ZNF335: variants seen among roughly 807,000 people sequenced by gnomAD.
ZNF335 encodes the protein zinc finger protein 335.
Under a neutral mutation model 145.6 loss-of-function variants are expected in ZNF335, and 84 were observed. That is an observed-to-expected ratio of 0.58 (90% confidence interval 0.48 to 0.69). The LOEUF (loss-of-function observed/expected upper bound fraction) is 0.69. ZNF335 is among the 30% of genes least tolerant of loss of function. The probability of loss-of-function intolerance (pLI) is 0.00; values close to 1 mark genes in which losing one functional copy is unlikely to be tolerated. For missense variants in ZNF335, 1,865 were observed against 1,809.7 expected (o/e 1.03, Z -0.55); for synonymous variants, 761 against 717.0 (o/e 1.06, Z -0.98).
rs371249915 is a variant in ZNF335, at chr20:45,967,578, A to C, written c.871T>G (p.Ser291Ala). 2.0e-5 allele frequency: 33 copies of C among 1,613,752 alleles called. No individual in the cohort carries two copies. The African/African-American group carries it at 4.3e-4, about 21-fold the overall frequency. ...KKGRLRKWST[S>A]TKSQEEEGPE... is the part of the protein sequence containing the mutation. ...CCCTCTTCCTCTTGGCTCTTGGTGG[A>C]GGTGCTCCACTTCCGTAGACGTCCT... The change falls in exon 6 of 28, where the codon TCC becomes GCC. Residue 291 changes from serine (S) to alanine (A), a missense_variant. Physicochemically the swap from Ser to Ala is moderately conservative, Grantham distance 99 (BLOSUM62 1). Coordinates refer to ENST00000322927, the MANE Select transcript of ZNF335 (RefSeq NM_022095.4).
intron 3 of ZNF335, 59 bp from the exon 4 acceptor site, chr20:45,968,421 AC>A: frequency 1.3e-6 from 2 of 1,524,240 alleles, no homozygotes; most frequent in Non-Finnish European, 1.8e-6. Flanking sequence ...CAACAGGCCC[AC>A]CCCCATGGGC....
intron 7 of ZNF335, 83 bp downstream of exon 7, chr20:45,965,545 T>TC: frequency 1.3e-6 from 2 of 1,490,382 alleles, no homozygotes; most frequent in Non-Finnish European, 1.8e-6. Flanking sequence ...GCACACTCAG[T>TC]CCCCAGAACT....
chr20:45,949,796 T>A lies in ZNF335; in HGVS notation c.3669+4A>T. On this transcript the variant is annotated splice_donor_region_variant and intron_variant, in intron 24 of 27. Coordinates refer to ENST00000322927, the MANE Select transcript of ZNF335 (RefSeq NM_022095.4). ...GAGGGGATTAACAGTAGCTAGTAGC[T>A]CACCTGGTTGTCGGAGGTCACCAGG... 1 of 1,613,988 alleles carries A rather than the reference T, an allele frequency of 6.2e-7. No homozygotes were observed. Among genetic ancestry groups the A allele is most frequent in the Non-Finnish European group, 8.5e-7 (1 of 1,179,952 alleles).
In ZNF335 at chr20:45,953,849, C is replaced by T. The variant is rs142888683; in HGVS notation, c.2542G>A (p.Val848Met). The T allele has an allele frequency of 7.4e-6, 12 of 1,613,890 alleles. No individual in the cohort carries two copies. The African/African-American group carries it at 9.3e-5, about 13-fold the overall frequency. Residue 848 changes from valine to methionine, a missense_variant, in exon 18 of 28, where the codon GTG becomes ATG. Val to Met is a conservative substitution (Grantham distance 21, BLOSUM62 1). Transcript: ENST00000322927. ...GCTGCACCGCCCCCTGGCTCTGCCACGTGGAGGGTGACCACCTGTGGAGTG... is the reference window on the plus strand; with the variant it reads ...GCTGCACCGCCCCCTGGCTCTGCCATGTGGAGGGTGACCACCTGTGGAGTG... Reference protein sequence around the residue: ...GATPQVVTLHVAEPGGGAAAE... With the variant: ...GATPQVVTLHMAEPGGGAAAE...
chr20:45,958,548 G>A (rs1345494960), intron 15 of ZNF335, among the ~76,000 whole-genome samples: 14 of 152,200 alleles, frequency 9.2e-5, no homozygotes, highest in African/African-American at 2.7e-4. Flanking sequence ...GTCAGCTCAC[G>A]TGGCAGAGAC....
At position 45,963,743 on chromosome 20, in the gene ZNF335, G is replaced by C; in HGVS notation, c.1350C>G (p.Tyr450Ter). The C allele has an allele frequency of 6.2e-7, 1 of 1,614,148 alleles. No homozygotes were observed. The highest frequency in any genetic ancestry group is 8.5e-7 in the Non-Finnish European group (1 of 1,179,986). The part of the protein sequence containing the change: ...RPSRRFLGKK[Y>*]RKYYYKSPKP... ...CTCACCTCTGCTCCACATACTTGCG[G>C]TATTTCTTGCCTAGGAAGCGCCTGG... is the stretch of plus-strand genomic sequence containing the variant. Residue 450 changes from tyrosine (Y) to a stop codon, truncating the protein, a stop_gained, in exon 8 of 28, where the codon TAC becomes TAG. Coordinates refer to ENST00000322927, the MANE Select transcript of ZNF335 (RefSeq NM_022095.4). LOFTEE classifies it high-confidence loss of function.
At position 45,963,731 on chromosome 20, in the gene ZNF335, C is replaced by T; in HGVS notation, c.1355+7G>A. On this transcript the variant is annotated splice_region_variant and intron_variant, in intron 8 of 27. Coordinates refer to ENST00000322927, the MANE Select transcript of ZNF335 (RefSeq NM_022095.4). ...GCATGCCCCACCCTCACCTCTGCTC[C>T]ACATACTTGCGGTATTTCTTGCCTA... 1.2e-6 allele frequency: 2 copies of T among 1,614,136 alleles called. No homozygotes were observed. Among genetic ancestry groups the T allele is most frequent in the Non-Finnish European group, 1.7e-6 (2 of 1,179,978 alleles).
At chr20:45,957,778 C>G in intron 16 of ZNF335, 57 bp downstream of exon 16, 1 of 1,607,290 alleles carries the variant, frequency 6.2e-7, no homozygotes. Context: ...ACGACCTGCC[C>G]CTGCCCAACT....
chr20:45,970,755 G>GT (rs5841616), intron 2 of ZNF335, among the ~76,000 whole-genome samples: 40,694 of 127,728 alleles, frequency 0.32, 8,150 homozygotes, highest in Middle Eastern at 0.44. Context: ...GGGCACTTGC[G>GT]TTTTTTTTTT....
chr20:45,959,288 G>C lies in ZNF335; in HGVS notation c.2166C>G (p.Pro722=), dbSNP rs752576401. The change falls in exon 15 of 28, where the codon CCC becomes CCG. Residue 722 remains proline, a synonymous_variant. Coordinates refer to ENST00000322927, the MANE Select transcript of ZNF335 (RefSeq NM_022095.4). The part of the protein sequence containing the change: ...HPEEPPSRRR[P]FFSLQQIEEL... ...CCTCAATCTGCTGCAGAGAGAAGAA[G>C]GGGCGACGGCGGGAGGGGGGCTCCT... is the stretch of plus-strand genomic sequence containing the variant. The C allele has an allele frequency of 6.4e-7, 1 of 1,555,196 alleles. No individual in the cohort carries two copies. Among genetic ancestry groups the C allele is most frequent in the South Asian group, 1.2e-5 (1 of 84,316 alleles).
rs2084074673 is a variant in ZNF335, at chr20:45,971,815, G to A, written c.-51+307C>T. Reference sequence around the variant, plus strand: ...GGTTGCAGGGCCGGTGGTACAGCCCGCTGGCCCCCTGGGTCAGTGGTTCGC... The same window carrying A: ...GGTTGCAGGGCCGGTGGTACAGCCCACTGGCCCCCTGGGTCAGTGGTTCGC... On this transcript the variant is annotated intron_variant, in intron 1 of 27. Coordinates refer to ENST00000322927, the MANE Select transcript of ZNF335 (RefSeq NM_022095.4). 8.1e-6 allele frequency: 8 copies of A among 985,030 alleles called. No homozygotes were observed. In the South Asian group the frequency reaches 3.3e-4, roughly 40 times the overall value. The allele number at this position is 985,030 out of a possible 1,614,324, so 61.0% of individuals were successfully genotyped here. A position where few individuals can be genotyped will look rare whatever the true frequency, so the allele number is the denominator to read the frequency against.
intron 7 of ZNF335, chr20:45,964,541 A>C (rs2083913730): frequency 6.5e-6 from 1 of 152,702 alleles, no homozygotes; most frequent in South Asian, 2.1e-4. Flanking sequence ...AAAAACATTG[A>C]CAGTATTTAA....
intron 20 of ZNF335, 130 bp from the exon 21 acceptor site, chr20:45,950,725 A>AAC (rs1195242057): frequency 2.3e-6 from 3 of 1,278,528 alleles, no homozygotes; most frequent in African/African-American, 3.0e-5. Flanking sequence ...CCTGTGCACT[A>AAC]ACAAGAAGCT....
At chr20:45,970,986 C>G (rs1414410698) in intron 2 of ZNF335, among the ~76,000 whole-genome samples, 1 of 152,242 alleles carries the variant, frequency 6.6e-6, no homozygotes, top group South Asian at 2.1e-4. Flanking sequence ...GCACTCTGTA[C>G]CTCGGCATCC....
At chr20:45,964,211 T>C (rs556744101) in intron 7 of ZNF335, 6 of 492,394 alleles carry the variant, frequency 1.2e-5, no homozygotes, top group Non-Finnish European at 2.0e-5. Flanking sequence ...CTGGCCTGGA[T>C]TAGAGCAACG....
chr20:45,965,892 T>C, intron 6 of ZNF335, 118 bp from the exon 7 acceptor site: 1 of 1,234,248 alleles, frequency 8.1e-7, no homozygotes. Flanking sequence ...CCCACAGCGA[T>C]GCCTCCTCCA....
intron 2 of ZNF335, 90 bp from the exon 3 acceptor site, chr20:45,969,781 T>C (rs2084026189): frequency 6.5e-7 from 1 of 1,536,800 alleles, no homozygotes; most frequent in Non-Finnish European, 8.8e-7. Flanking sequence ...GACAGAGCTC[T>C]CAGGCCCAAG....
At chr20:45,969,041 T>C (rs773184920) in intron 3 of ZNF335, among the ~76,000 whole-genome samples, 22 of 152,186 alleles carry the variant, frequency 1.4e-4, no homozygotes, top group Non-Finnish European at 2.5e-4. Context: ...TCTGAGCTCA[T>C]GGCCCGACAC....
Position 45,960,442 on chromosome 20 carries a change from G to A in ZNF335, c.1859+7C>T, listed in dbSNP as rs745801724. 1 of 1,614,204 alleles carries A rather than the reference G, an allele frequency of 6.2e-7. No homozygotes were observed. The highest frequency in any genetic ancestry group is 1.1e-5 in the South Asian group (1 of 91,084). On this transcript the variant is annotated splice_region_variant and intron_variant, in intron 13 of 27. Coordinates refer to ENST00000322927, the MANE Select transcript of ZNF335 (RefSeq NM_022095.4). ...TCCCGTCCCCAGGGGCCTCCAAGGG[G>A]ATGTACCTGCGGTTGGCAACAGCCT...
Sources: allele counts gnomAD v4.1 joint callset (sites outside exome capture counted in the v4.1 genomes callset), GRCh38; gene constraint gnomAD v4.1.1; transcripts MANE v1.5; gene names NCBI Gene and HGNC (gene_info 2026-07-23, HGNC 2026-07-21).